Variants in FAM171A1 observed in about 807,000 individuals in gnomAD.
The protein encoded by FAM171A1 is family with sequence similarity 171 member A1, also known as protein FAM171A1.
In FAM171A1, 23 loss-of-function variants were observed where a neutral mutation model predicts 74.9. The ratio of observed to expected loss-of-function variants is 0.31; its 90% confidence interval spans 0.22 to 0.44. The LOEUF is 0.44. Among genes scored for constraint, FAM171A1 ranks in the 20% least tolerant of loss-of-function variants. FAM171A1 has a pLI of 1.00. For synonymous variants in FAM171A1, 527 were observed against 505.7 expected, an observed-to-expected ratio of 1.04 and a Z score of -0.57; for missense variants, 1,162 against 1,159.2, an observed-to-expected ratio of 1.00 and a Z score of -0.03.
At chr10:15,222,863 T>C (rs1244227762) in intron 5 of FAM171A1, among the ~76,000 whole-genome samples, 2 of 152,242 alleles carry the variant, frequency 1.3e-5, no homozygotes, top group Non-Finnish European at 2.9e-5. Flanking sequence ...CGCCACAGGC[T>C]GGATCACTGC....
At chr10:15,228,845 C>A (rs1354249656) in intron 5 of FAM171A1, among the ~76,000 whole-genome samples, 1 of 152,214 alleles carries the variant, frequency 6.6e-6, no homozygotes, top group Non-Finnish European at 1.5e-5. Flanking sequence ...AGAAGAGGAG[C>A]TGAACGTCCC....
At chr10:15,314,006 A>G (rs1305438107) in intron 1 of FAM171A1, among the ~76,000 whole-genome samples, 1 of 152,162 alleles carries the variant, frequency 6.6e-6, no homozygotes, top group Admixed American at 6.5e-5. Flanking sequence ...TCCTCCTGTT[A>G]TCTTTCCTGA....
chr10:15,342,941 C>T (rs929587678), intron 1 of FAM171A1, among the ~76,000 whole-genome samples: 23 of 152,298 alleles, frequency 1.5e-4, no homozygotes, highest in Non-Finnish European at 2.9e-4. Flanking sequence ...TGTGTTTAAC[C>T]CGTGAGCAAA....
chr10:15,315,594 G>C (rs958234352), intron 1 of FAM171A1, among the ~76,000 whole-genome samples: 3 of 152,046 alleles, frequency 2.0e-5, no homozygotes, highest in Non-Finnish European at 2.9e-5. Context: ...CTTGTATCTG[G>C]GCAAATATTT....
intron 1 of FAM171A1, among the ~76,000 whole-genome samples, chr10:15,305,459 T>C (rs1312600118): frequency 2.0e-5 from 3 of 152,162 alleles, no homozygotes; most frequent in South Asian, 4.1e-4. Flanking sequence ...GGAGGATTGC[T>C]TGAGGCCAGG....
At chr10:15,253,641 A>G (rs1317520017) in intron 4 of FAM171A1, among the ~76,000 whole-genome samples, 1 of 152,254 alleles carries the variant, frequency 6.6e-6, no homozygotes. Context: ...CAGTTTATGT[A>G]AAGCACTGGA....
At chr10:15,329,661 A>G (rs1038742898) in intron 1 of FAM171A1, among the ~76,000 whole-genome samples, 1 of 151,920 alleles carries the variant, frequency 6.6e-6, no homozygotes, top group South Asian at 2.1e-4. Context: ...AGCTGACTCA[A>G]TAAGAACAAG....
chr10:15,365,507 C>T (rs2131893507), intron 1 of FAM171A1, among the ~76,000 whole-genome samples: 1 of 152,196 alleles, frequency 6.6e-6, no homozygotes, highest in South Asian at 2.1e-4. Context: ...ATGGTGGCTC[C>T]CACCTGTAAT....
intron 3 of FAM171A1, among the ~76,000 whole-genome samples, chr10:15,266,232 T>C (rs573381252): frequency 2.0e-5 from 3 of 152,316 alleles, no homozygotes; most frequent in African/African-American, 7.2e-5. Flanking sequence ...GCTGGGTTCT[T>C]AGTTCAATCC....
At chr10:15,342,929 C>T (rs1835781290) in intron 1 of FAM171A1, among the ~76,000 whole-genome samples, 1 of 152,180 alleles carries the variant, frequency 6.6e-6, no homozygotes, top group East Asian at 1.9e-4. Flanking sequence ...TGAAACCTGC[C>T]CTGTGTTTAA....
chr10:15,278,943 G>C (rs1036459891), intron 2 of FAM171A1, among the ~76,000 whole-genome samples: 5 of 152,218 alleles, frequency 3.3e-5, no homozygotes, highest in African/African-American at 1.2e-4. Context: ...GGGCAGGATT[G>C]TCCTAGCAGA....
intron 3 of FAM171A1, among the ~76,000 whole-genome samples, chr10:15,263,787 C>CTATCT (rs1554834679): frequency 7.1e-6 from 1 of 140,012 alleles, no homozygotes; most frequent in South Asian, 2.3e-4. Flanking sequence ...ATCTATCTAT[C>CTATCT]ATCTATCCAT....
intron 6 of FAM171A1, among the ~76,000 whole-genome samples, chr10:15,219,720 T>A (rs1358749814): frequency 6.6e-6 from 1 of 152,238 alleles, no homozygotes; most frequent in Admixed American, 6.5e-5. Flanking sequence ...TAGCTGGGAC[T>A]ACAGGCGTGT....
chr10:15,319,127 G>A (rs925725671), intron 1 of FAM171A1, among the ~76,000 whole-genome samples: 8 of 152,210 alleles, frequency 5.3e-5, no homozygotes, highest in Non-Finnish European at 1.2e-4. Flanking sequence ...ACTCCACAGG[G>A]TGGAAAGGAG....
At chr10:15,260,954 T>C (rs1834648341) in intron 3 of FAM171A1, among the ~76,000 whole-genome samples, 1 of 152,178 alleles carries the variant, frequency 6.6e-6, no homozygotes, top group Non-Finnish European at 1.5e-5. Flanking sequence ...TCCAGACAAC[T>C]GGCACTGAGA....
intron 3 of FAM171A1, among the ~76,000 whole-genome samples, chr10:15,275,588 G>C (rs1834883008): frequency 6.6e-6 from 1 of 151,956 alleles, no homozygotes; most frequent in Admixed American, 6.6e-5. Context: ...TGAGCCATAA[G>C]ATTTTAGTAG....
At chr10:15,219,360 T>C in intron 6 of FAM171A1, among the ~76,000 whole-genome samples, 1 of 152,152 alleles carries the variant, frequency 6.6e-6, no homozygotes. Context: ...TACTGCATGA[T>C]GGGAAAACTA....
At chr10:15,356,733 G>T (rs1835936801) in intron 1 of FAM171A1, among the ~76,000 whole-genome samples, 1 of 151,970 alleles carries the variant, frequency 6.6e-6, no homozygotes, top group Non-Finnish European at 1.5e-5. Flanking sequence ...CACTCTGGGG[G>T]GCCGAGGCGG....
chr10:15,289,891 C>T (rs748978768), intron 1 of FAM171A1, among the ~76,000 whole-genome samples: 5 of 152,352 alleles, frequency 3.3e-5, no homozygotes, highest in African/African-American at 4.8e-5. Flanking sequence ...GAAGTTGCCA[C>T]GGAGACCATA....
Sources: allele counts gnomAD v4.1 joint callset (sites outside exome capture counted in the v4.1 genomes callset), GRCh38; gene constraint gnomAD v4.1.1; transcripts MANE v1.5; gene names NCBI Gene and HGNC (gene_info 2026-07-23, HGNC 2026-07-21).